The following MAP4K3 variants were observed in gnomAD, a reference collection of about 807,000 sequenced individuals.
The protein encoded by MAP4K3 is MAPK/ERK kinase kinase kinase 3.
MAP4K3 carries 94 observed loss-of-function variants against 143.5 expected under a neutral mutation model. The observed-to-expected ratio is 0.65, with a 90% CI of 0.55 to 0.78. The LOEUF (loss-of-function observed/expected upper bound fraction) is 0.78. Among genes scored for constraint, MAP4K3 ranks in the 30% least tolerant of loss-of-function variants. The pLI, the probability that MAP4K3 is intolerant of heterozygous loss-of-function variation, is 0.00. For missense variants in MAP4K3, 1,077 were observed against 1,068.1 expected, an observed-to-expected ratio of 1.01 and a Z score of -0.12; for synonymous variants, 416 against 347.2, an observed-to-expected ratio of 1.20 and a Z score of -2.20.
chr2:39,301,288 C>G (rs931324329), intron 15 of MAP4K3, among the ~76,000 whole-genome samples: 1 of 152,178 alleles, frequency 6.6e-6, no homozygotes, highest in Non-Finnish European at 1.5e-5. Context: ...GACTGTCACA[C>G]TGGTATCACA....
At chr2:39,307,698 AAATT>A (rs1682760380) in intron 15 of MAP4K3, among the ~76,000 whole-genome samples, 1 of 151,990 alleles carries the variant, frequency 6.6e-6, no homozygotes, top group South Asian at 2.1e-4. Context: ...ATGAATGAGA[AAATT>A]AAATATTAAC....
Position 39,385,401 on chromosome 2 carries a change from G to C in MAP4K3, c.97-7278C>G, listed in dbSNP as rs956763010. On this transcript the variant is annotated intron_variant, in intron 1 of 33. Coordinates refer to ENST00000263881, the MANE Select transcript of MAP4K3 (RefSeq NM_003618.4). ...AATAGGTAGGTAAATGCTATTTCAT[G>C]GTGGTTTTAGTTTGCATTTCCTTGA... 2.6e-5 allele frequency among the ~76,000 whole-genome samples: 4 copies of C among 151,676 alleles called. No individual in the cohort carries two copies. The South Asian group carries it at 8.4e-4, about 32-fold the overall frequency.
chr2:39,323,425 T>C (rs1683383850), intron 12 of MAP4K3: 1 of 152,212 alleles, frequency 6.6e-6, no homozygotes, highest in South Asian at 2.1e-4. Flanking sequence ...TCATGTAGCA[T>C]TTAGTGCACT....
intron 1 of MAP4K3, among the ~76,000 whole-genome samples, chr2:39,396,143 T>G (rs1261610403): frequency 6.6e-6 from 1 of 152,112 alleles, no homozygotes; most frequent in African/African-American, 2.4e-5. Flanking sequence ...GCTCAAACAA[T>G]CTTCCTGCCT....
intron 2 of MAP4K3, among the ~76,000 whole-genome samples, chr2:39,359,350 G>A (rs953353302): frequency 2.0e-5 from 3 of 152,290 alleles, no homozygotes; most frequent in Non-Finnish European, 4.4e-5. Flanking sequence ...GATAACAAGA[G>A]GTGGACTCCC....
At chr2:39,429,401 T>C (rs1177393912) in intron 1 of MAP4K3, among the ~76,000 whole-genome samples, 1 of 152,146 alleles carries the variant, frequency 6.6e-6, no homozygotes, top group Admixed American at 6.5e-5. Flanking sequence ...ACTAACTGAG[T>C]GACAGATCCC....
At chr2:39,346,271 T>C (rs1183361657) in intron 3 of MAP4K3, among the ~76,000 whole-genome samples, 1 of 152,216 alleles carries the variant, frequency 6.6e-6, no homozygotes, top group East Asian at 1.9e-4. Flanking sequence ...GCAACTACAT[T>C]AAACTGCTAG....
intron 12 of MAP4K3, among the ~76,000 whole-genome samples, chr2:39,322,816 T>C (rs1328348543): frequency 6.6e-6 from 1 of 151,854 alleles, no homozygotes; most frequent in Non-Finnish European, 1.5e-5. Flanking sequence ...ATTACACGCA[T>C]GAGCCACCAT....
At chr2:39,272,681 T>A in intron 24 of MAP4K3, 139 bp from the exon 25 acceptor site, 1 of 645,222 alleles carries the variant, frequency 1.5e-6, no homozygotes. Context: ...ATTAACTTTA[T>A]CAAGGATTCA....
intron 1 of MAP4K3, among the ~76,000 whole-genome samples, chr2:39,429,114 A>C (rs1472962711): frequency 6.6e-6 from 1 of 151,738 alleles, no homozygotes; most frequent in Admixed American, 6.6e-5. Context: ...CAGGGTTAAA[A>C]ATGAACAAGA....
At position 39,299,149 on chromosome 2, in the gene MAP4K3, G is replaced by T. The variant is rs1682407525; in HGVS notation, c.1178+594C>A. Among the ~76,000 whole-genome samples the T allele has an allele frequency of 2.0e-5, 3 of 152,044 alleles. No individual in the cohort carries two copies. In the South Asian group the frequency reaches 6.2e-4, roughly 32 times the overall value. On this transcript the variant is annotated intron_variant, in intron 16 of 33. Transcript: ENST00000263881. ...AAAATTCTGTCTCCCATCATACCTGGCAAATGAACAATTTAAATTGTTAAT... is the reference window on the plus strand; with the variant it reads ...AAAATTCTGTCTCCCATCATACCTGTCAAATGAACAATTTAAATTGTTAAT...
chr2:39,271,616 C>G (rs888282926), intron 26 of MAP4K3, among the ~76,000 whole-genome samples: 1 of 152,192 alleles, frequency 6.6e-6, no homozygotes, highest in Non-Finnish European at 1.5e-5. Flanking sequence ...CACTGAGACA[C>G]GGTCTTGCCT....
intron 1 of MAP4K3, among the ~76,000 whole-genome samples, chr2:39,411,384 C>A (rs370496592): frequency 6.6e-6 from 1 of 152,128 alleles, no homozygotes; most frequent in East Asian, 1.9e-4. Context: ...CCTCTCTAAA[C>A]AGTGACTCCA....
chr2:39,336,848 T>C, intron 6 of MAP4K3, 72 bp downstream of exon 6: 1 of 619,442 alleles, frequency 1.6e-6, no homozygotes. Context: ...TAAAACAATT[T>C]TGCTCAAAAC....
chr2:39,269,861 A>C (rs879767529), intron 26 of MAP4K3, among the ~76,000 whole-genome samples: 1 of 152,176 alleles, frequency 6.6e-6, no homozygotes, highest in Non-Finnish European at 1.5e-5. Flanking sequence ...TTACATTAGG[A>C]AAAGTTTTAC....
chr2:39,415,789 C>T (rs1667353109), intron 1 of MAP4K3, among the ~76,000 whole-genome samples: 1 of 148,906 alleles, frequency 6.7e-6, no homozygotes, highest in East Asian at 2.0e-4. Flanking sequence ...CCATCTCTAC[C>T]AAAAATACAA....
chr2:39,261,415 C>A lies in MAP4K3; in HGVS notation c.2137-638G>T, dbSNP rs541178027. Among the ~76,000 whole-genome samples, 44 of 152,170 alleles carry A rather than the reference C, an allele frequency of 2.9e-4. No homozygotes were observed. In the East Asian group the frequency reaches 7.9e-3, roughly 27 times the overall value. ...GGAAAACACTAACTTCATTAGTAATCAAGAAATAAAACCACAATGAGATAA... is the reference window on the plus strand; with the variant it reads ...GGAAAACACTAACTTCATTAGTAATAAAGAAATAAAACCACAATGAGATAA... On this transcript the variant is annotated intron_variant, in intron 28 of 33. Transcript: ENST00000263881.
intron 2 of MAP4K3, 44 bp from the exon 3 acceptor site, chr2:39,356,383 C>A (rs1385524886): frequency 1.0e-6 from 1 of 1,002,838 alleles, no homozygotes; most frequent in East Asian, 2.4e-5. Flanking sequence ...AGGTAAGTTT[C>A]AAAATGCTCA....
rs749191781 is a variant in MAP4K3 at position 39,260,581 on chromosome 2, T to C, written c.2308+25A>G. The C allele has an allele frequency of 1.0e-5, 16 of 1,606,168 alleles. No homozygotes were observed. In the Admixed American group the frequency reaches 2.7e-4, roughly 27 times the overall value. The stretch of plus-strand genomic sequence containing the variant: ...ATAAAACCAGTATATGTATTACCCT[T>C]AATAATTCCATAAAAATTACAAACC... On this transcript the variant is annotated intron_variant, in intron 29 of 33. Coordinates refer to ENST00000263881, the MANE Select transcript of MAP4K3 (RefSeq NM_003618.4).
Sources: allele counts gnomAD v4.1 joint callset (sites outside exome capture counted in the v4.1 genomes callset), GRCh38; gene constraint gnomAD v4.1.1; transcripts MANE v1.5; gene names NCBI Gene and HGNC (gene_info 2026-07-23, HGNC 2026-07-21).